Variants in RAP1GDS1 observed in about 807,000 individuals in gnomAD.
The protein encoded by RAP1GDS1 is Rap1 GTPase-GDP dissociation stimulator 1.
In RAP1GDS1, 35 loss-of-function variants were observed where a neutral mutation model predicts 71.1. That is an observed-to-expected ratio of 0.49 (90% CI 0.38 to 0.65). The LOEUF (loss-of-function observed/expected upper bound fraction) is 0.65, where lower values mean the gene tolerates loss of function less well. Ranked by LOEUF, RAP1GDS1 falls within the 30% of genes least tolerant of loss-of-function variation. The pLI, the probability that RAP1GDS1 is intolerant of heterozygous loss-of-function variation, is 0.00. For missense variants in RAP1GDS1, 663 were observed against 706.1 expected (o/e 0.94, Z 0.69); for synonymous variants, 229 against 243.1 (o/e 0.94, Z 0.54).
intron 4 of RAP1GDS1, among the ~76,000 whole-genome samples, chr4:98,355,738 T>A (rs1356736974): frequency 6.6e-6 from 1 of 152,180 alleles, no homozygotes; most frequent in Non-Finnish European, 1.5e-5. Flanking sequence ...AGGTCAGATT[T>A]CAGTTTTACC....
chr4:98,350,103 T>C (rs1180153148), intron 3 of RAP1GDS1, among the ~76,000 whole-genome samples: 1 of 152,212 alleles, frequency 6.6e-6, no homozygotes, highest in Non-Finnish European at 1.5e-5. Flanking sequence ...ATTTACCCTC[T>C]ATTATTCCAA....
intron 5 of RAP1GDS1, among the ~76,000 whole-genome samples, chr4:98,384,466 A>G (rs1027246448): frequency 1.3e-5 from 2 of 151,748 alleles, no homozygotes; most frequent in African/African-American, 4.8e-5. Context: ...GTTCTACCAC[A>G]AGTGTTATTT....
At chr4:98,398,413 C>A (rs187579390) in intron 6 of RAP1GDS1, among the ~76,000 whole-genome samples, 5 of 152,142 alleles carry the variant, frequency 3.3e-5, no homozygotes, top group Non-Finnish European at 7.4e-5. Context: ...CAGACCATAG[C>A]GCATCAATGT....
chr4:98,364,516 T>G (rs1739194424), intron 4 of RAP1GDS1, among the ~76,000 whole-genome samples: 1 of 152,126 alleles, frequency 6.6e-6, no homozygotes, highest in African/African-American at 2.4e-5. Context: ...TTAAATACAT[T>G]TATGCTTCAG....
At chr4:98,308,480 G>A (rs1729722158) in intron 2 of RAP1GDS1, among the ~76,000 whole-genome samples, 1 of 150,274 alleles carries the variant, frequency 6.7e-6, no homozygotes, top group Admixed American at 6.7e-5. Flanking sequence ...AGAAAGAAAG[G>A]AAAATAAAGA....
chr4:98,269,433 G>A (rs1287591175), intron 1 of RAP1GDS1, among the ~76,000 whole-genome samples: 1 of 151,922 alleles, frequency 6.6e-6, no homozygotes, highest in South Asian at 2.1e-4. Context: ...TTTGTTTATG[G>A]CACCAAAAGC....
chr4:98,293,943 T>C (rs750966397), intron 2 of RAP1GDS1, among the ~76,000 whole-genome samples: 1 of 152,098 alleles, frequency 6.6e-6, no homozygotes, highest in Non-Finnish European at 1.5e-5. Context: ...TGGAATCTTA[T>C]CATATTTTAA....
intron 11 of RAP1GDS1, among the ~76,000 whole-genome samples, chr4:98,420,623 A>G (rs1180652240): frequency 6.6e-6 from 1 of 152,078 alleles, no homozygotes; most frequent in Admixed American, 6.5e-5. Context: ...CAGCCTCCCA[A>G]AGTGCTGGGA....
chr4:98,330,859 G>A (rs1050671946), intron 2 of RAP1GDS1, among the ~76,000 whole-genome samples: 15 of 152,224 alleles, frequency 9.9e-5, no homozygotes, highest in African/African-American at 2.2e-4. Flanking sequence ...GACGATGGGC[G>A]GCCAGGCAGA....
At chr4:98,429,256 C>CA (rs1226326098) in intron 12 of RAP1GDS1, among the ~76,000 whole-genome samples, 8,126 of 68,034 alleles carry the variant, frequency 0.12, 549 homozygotes, top group African/African-American at 0.27. Context: ...AGACGTGTCT[C>CA]AAAAAAAAAA....
chr4:98,346,849 T>A (rs1736381968), intron 3 of RAP1GDS1, among the ~76,000 whole-genome samples: 1 of 152,180 alleles, frequency 6.6e-6, no homozygotes, highest in Non-Finnish European at 1.5e-5. Flanking sequence ...CGGCCAGTAC[T>A]TTCTTTAAAA....
At chr4:98,266,053 ACT>A (rs1342526834) in intron 1 of RAP1GDS1, among the ~76,000 whole-genome samples, 1 of 151,912 alleles carries the variant, frequency 6.6e-6, no homozygotes, top group Admixed American at 6.6e-5. Flanking sequence ...TTTTTAACTC[ACT>A]CTGCATGACA....
At chr4:98,421,455 C>T (rs528358024) in intron 12 of RAP1GDS1, 61 bp downstream of exon 12, 10 of 1,439,172 alleles carry the variant, frequency 6.9e-6, no homozygotes, top group Non-Finnish European at 9.3e-6. Context: ...AGAAACCCAG[C>T]ATTGTAGGTC....
At chr4:98,436,877 A>G in intron 13 of RAP1GDS1, 63 bp from the exon 14 acceptor site, 1 of 1,406,934 alleles carries the variant, frequency 7.1e-7, no homozygotes. Context: ...TTCAAAATGA[A>G]GCAGTGTTTA....
intron 13 of RAP1GDS1, 50 bp from the exon 14 acceptor site, chr4:98,436,890 C>T: frequency 2.7e-6 from 4 of 1,463,334 alleles, no homozygotes; most frequent in South Asian, 3.3e-5. Flanking sequence ...AGTGTTTATC[C>T]TGAGGATACT....
intron 2 of RAP1GDS1, among the ~76,000 whole-genome samples, chr4:98,305,875 A>G (rs1256967246): frequency 6.6e-6 from 1 of 152,186 alleles, no homozygotes; most frequent in Non-Finnish European, 1.5e-5. Flanking sequence ...TGTTCCTAAC[A>G]CAGAGAAAAT....
chr4:98,348,684 T>C (rs1341543068), intron 3 of RAP1GDS1, among the ~76,000 whole-genome samples: 1 of 152,196 alleles, frequency 6.6e-6, no homozygotes, highest in Non-Finnish European at 1.5e-5. Context: ...TTGTATCTCA[T>C]TGTGGTTTTG....
intron 12 of RAP1GDS1, among the ~76,000 whole-genome samples, chr4:98,423,558 T>A (rs1259919457): frequency 6.6e-6 from 1 of 152,156 alleles, no homozygotes; most frequent in Admixed American, 6.5e-5. Flanking sequence ...TTCGGGGTTT[T>A]TTTGAGACAG....
chr4:98,432,867 C>T (rs1317172308), intron 12 of RAP1GDS1, among the ~76,000 whole-genome samples: 2 of 151,568 alleles, frequency 1.3e-5, no homozygotes, highest in African/African-American at 4.8e-5. Context: ...GAATGAAGAC[C>T]AAAAAGGGTA....
Sources: allele counts gnomAD v4.1 joint callset (sites outside exome capture counted in the v4.1 genomes callset), GRCh38; gene constraint gnomAD v4.1.1; transcripts MANE v1.5; gene names NCBI Gene and HGNC (gene_info 2026-07-23, HGNC 2026-07-21).